Variants in PLS1 observed in about 807,000 individuals in gnomAD.
PLS1 encodes the protein plastin-1.
PLS1 carries 32 observed loss-of-function variants against 73.7 expected under a neutral mutation model. The ratio of observed to expected loss-of-function variants is 0.43; its 90% CI spans 0.33 to 0.58. The LOEUF is 0.58. PLS1 is among the 20% of genes least tolerant of loss of function. The pLI is 0.04. For synonymous variants in PLS1, 217 were observed against 261.3 expected (o/e 0.83, Z 1.63); for missense variants, 633 against 740.5 (o/e 0.85, Z 1.68).
At chr3:142,664,348 T>C (rs757211047) in intron 2 of PLS1, 41 bp downstream of exon 2, 1 of 1,022,290 alleles carries the variant, frequency 9.8e-7, no homozygotes, top group Non-Finnish European at 1.5e-6. Context: ...ACTGGTCTGC[T>C]TGATGTCAGA....
intron 4 of PLS1, among the ~76,000 whole-genome samples, chr3:142,674,287 C>T (rs182664755): frequency 4.7e-4 from 71 of 152,006 alleles, no homozygotes; most frequent in Admixed American, 1.2e-3. Flanking sequence ...TATGAGGAGG[C>T]GAGAAGATAA....
Position 142,630,420 on chromosome 3 carries a change from CAAAAA to C in PLS1, c.-36-33766_-36-33762del, listed in dbSNP as rs71153980. ...TGGGCAACACAGTGAGACCCTGCCT[CAAAAA>C]AAAAAAAAAAAAAAACAAACAAAAC... On this transcript the variant is annotated intron_variant, in intron 1 of 15. Transcript: ENST00000457734. Among the ~76,000 whole-genome samples, 98 of 110,322 alleles carry C rather than the reference CAAAAA, an allele frequency of 8.9e-4. No homozygotes were observed. In the East Asian group the frequency reaches 0.011, roughly 12 times the overall value. 72.4% of individuals were successfully genotyped at this position (110,322 alleles called of 152,430 possible).
In PLS1 at chr3:142,679,782, T is replaced by G. The variant is rs561787394; in HGVS notation, c.579+1669T>G. On this transcript the variant is annotated intron_variant, in intron 6 of 15. Coordinates refer to ENST00000457734, the MANE Select transcript of PLS1 (RefSeq NM_001145319.2). ...GCTCTTTTTTGGTTCCATATGAACT[T>G]TAAAGTAGTTTTTTCCAATTCTGTG... Among the ~76,000 whole-genome samples, 165 of 152,294 alleles carry G rather than the reference T, an allele frequency of 1.1e-3. 1 individual carries two copies. The highest frequency in any genetic ancestry group is 3.5e-3 in the African/African-American group (147 of 41,552).
intron 6 of PLS1, among the ~76,000 whole-genome samples, chr3:142,683,472 C>T (rs1224018247): frequency 6.6e-6 from 1 of 152,064 alleles, no homozygotes; most frequent in African/African-American, 2.4e-5. Flanking sequence ...CCATTGCACT[C>T]CAGCTTGGGT....
At chr3:142,690,345 A>C (rs760285946) in intron 10 of PLS1, among the ~76,000 whole-genome samples, 1 of 152,128 alleles carries the variant, frequency 6.6e-6, no homozygotes, top group African/African-American at 2.4e-5. Context: ...GTACTTTTCT[A>C]TACTCTATAA....
chr3:142,599,930 A>T (rs898835717), intron 1 of PLS1, among the ~76,000 whole-genome samples: 1 of 151,164 alleles, frequency 6.6e-6, no homozygotes, highest in African/African-American at 2.4e-5. Context: ...CTAATTTTGT[A>T]TTTTTTTGTG....
chr3:142,610,854 A>C (rs1211545204), intron 1 of PLS1, among the ~76,000 whole-genome samples: 1 of 152,226 alleles, frequency 6.6e-6, no homozygotes, highest in East Asian at 1.9e-4. Flanking sequence ...CATTCATCAA[A>C]AAGCTGAACA....
chr3:142,632,372 T>C (rs1406536148), intron 1 of PLS1, among the ~76,000 whole-genome samples: 1 of 152,148 alleles, frequency 6.6e-6, no homozygotes, highest in Non-Finnish European at 1.5e-5. Flanking sequence ...AAAATCATAA[T>C]GACATATCAC....
intron 1 of PLS1, chr3:142,619,635 G>A (rs1341849394): frequency 6.6e-6 from 1 of 152,192 alleles, no homozygotes; most frequent in Admixed American, 6.5e-5. Flanking sequence ...GCATCTTGGA[G>A]ATAGTAAGTA....
At chr3:142,649,559 G>A (rs2012010) in intron 1 of PLS1, among the ~76,000 whole-genome samples, 94,131 of 151,434 alleles carry the variant, frequency 0.62, 29,682 homozygotes, top group African/African-American at 0.66. Flanking sequence ...AATTGCTTGA[G>A]CCTGGGAGAT....
chr3:142,672,051 G>C (rs1158446054), intron 4 of PLS1, among the ~76,000 whole-genome samples: 1 of 152,030 alleles, frequency 6.6e-6, no homozygotes, highest in Admixed American at 6.6e-5. Context: ...TACTGAAGTG[G>C]CTTCTTTTTA....
At chr3:142,685,854 G>A (rs2037953899) in intron 8 of PLS1, among the ~76,000 whole-genome samples, 1 of 152,212 alleles carries the variant, frequency 6.6e-6, no homozygotes, top group African/African-American at 2.4e-5. Flanking sequence ...TGGAGACAAT[G>A]ACATTAGATG....
chr3:142,612,662 G>A lies in PLS1; in HGVS notation c.-37+16153G>A, dbSNP rs6770395. Among the ~76,000 whole-genome samples the A allele has an allele frequency of 2.5e-3, 379 of 152,158 alleles. 3 individuals are homozygous for A. The highest frequency in any genetic ancestry group is 8.6e-3 in the African/African-American group (358 of 41,506). ...AGCTACTGAAGAGGCTGAGGTGGGA[G>A]GATCAGTTGGAGCCCAGGAGCTGGA... is the stretch of plus-strand genomic sequence containing the variant. On this transcript the variant is annotated intron_variant, in intron 1 of 15. Coordinates refer to ENST00000457734, the MANE Select transcript of PLS1 (RefSeq NM_001145319.2).
At position 142,620,554 on chromosome 3, in the gene PLS1, C is replaced by T. The variant is rs377081850; in HGVS notation, c.-37+24045C>T. On this transcript the variant is annotated intron_variant, in intron 1 of 15. Transcript: ENST00000457734. The stretch of plus-strand genomic sequence containing the variant: ...TTTTTTAAAAACGTGACTCTTGCCC[C>T]GAAGGTGCATTTAAACATGGAATAG... 3.3e-5 allele frequency among the ~76,000 whole-genome samples: 5 copies of T among 152,238 alleles called. No homozygotes were observed. In the East Asian group the frequency reaches 5.8e-4, roughly 18 times the overall value.
chr3:142,605,029 CA>C (rs2035994639), intron 1 of PLS1, among the ~76,000 whole-genome samples: 3 of 151,876 alleles, frequency 2.0e-5, no homozygotes, highest in Non-Finnish European at 4.4e-5. Context: ...AGTCTTAGGG[CA>C]ATTTAAAGTT....
rs2036805699 is a variant in PLS1, at chr3:142,640,410, A to G, written c.-36-23792A>G. On this transcript the variant is annotated intron_variant, in intron 1 of 15. Coordinates refer to ENST00000457734, the MANE Select transcript of PLS1 (RefSeq NM_001145319.2). ...ATGTCTCTTATTTCCAAGAATGTGTAGTCCTTGATGAAGGCAGGATGAACA... is the reference window on the plus strand; with the variant it reads ...ATGTCTCTTATTTCCAAGAATGTGTGGTCCTTGATGAAGGCAGGATGAACA... Among the ~76,000 whole-genome samples the G allele has an allele frequency of 2.6e-5, 4 of 152,336 alleles. No homozygotes were observed. In the South Asian group the frequency reaches 8.3e-4, roughly 32 times the overall value.
chr3:142,710,224 C>T (rs1553795850), intron 14 of PLS1, among the ~76,000 whole-genome samples: 1 of 150,508 alleles, frequency 6.6e-6, no homozygotes, highest in Non-Finnish European at 1.5e-5. Context: ...CAGCTTCACC[C>T]TAAAGCTGGT....
chr3:142,676,232 C>A lies in PLS1; in HGVS notation c.440C>A (p.Pro147His), dbSNP rs760869523. The A allele has an allele frequency of 1.2e-6, 2 of 1,612,782 alleles. No individual in the cohort carries two copies. Among genetic ancestry groups the A allele is most frequent in the East Asian group, 4.5e-5 (2 of 44,832 alleles). ...ENDPDCKHLI[P>H]MNPNDDSLFK... Reference sequence around the variant, plus strand: ...GACCCTGACTGTAAGCATCTTATACCCATGAATCCCAATGATGATAGTCTT... The same window carrying A: ...GACCCTGACTGTAAGCATCTTATACACATGAATCCCAATGATGATAGTCTT... The change falls in exon 5 of 16, where the codon CCC becomes CAC. Residue 147 changes from proline (P) to histidine (H), a missense_variant. Pro to His is a moderately conservative substitution (Grantham distance 77, BLOSUM62 -2). Coordinates refer to ENST00000457734, the MANE Select transcript of PLS1 (RefSeq NM_001145319.2).
At chr3:142,671,975 C>T (rs991557655) in intron 4 of PLS1, among the ~76,000 whole-genome samples, 5 of 152,162 alleles carry the variant, frequency 3.3e-5, no homozygotes, top group African/African-American at 1.2e-4. Context: ...AGGCAAAGGT[C>T]CATAACTGTT....
Sources: gnomAD v4.1 joint callset for allele counts (sites outside exome capture counted in the v4.1 genomes callset) on GRCh38, gnomAD v4.1.1 for gene constraint, MANE v1.5 for transcripts, NCBI Gene and HGNC (gene_info 2026-07-23, HGNC 2026-07-21) for gene names.